RIMS2: variants seen among roughly 807,000 people sequenced by gnomAD.
RIMS2 encodes the protein regulating synaptic membrane exocytosis 2, also known as regulating synaptic membrane exocytosis protein 2.
RIMS2 carries 59 observed loss-of-function variants against 174.4 expected under a neutral mutation model. That is an observed-to-expected ratio of 0.34 (90% CI 0.27 to 0.42). RIMS2 has a LOEUF of 0.42. Among genes scored for constraint, RIMS2 ranks in the 10% least tolerant of loss-of-function variants. RIMS2 has a pLI of 1.00. For missense variants in RIMS2, 1,620 were observed against 1,666.3 expected (o/e 0.97, Z 0.48); for synonymous variants, 606 against 572.5 (o/e 1.06, Z -0.84).
At chr8:103,633,571 T>TC (rs910109107) in intron 1 of RIMS2, among the ~76,000 whole-genome samples, 1 of 152,134 alleles carries the variant, frequency 6.6e-6, no homozygotes, top group African/African-American at 2.4e-5. Flanking sequence ...GGAGGTGTCT[T>TC]CCCCCCTCAG....
chr8:103,626,670 C>T (rs1053005688), intron 1 of RIMS2, among the ~76,000 whole-genome samples: 20 of 152,180 alleles, frequency 1.3e-4, no homozygotes, highest in African/African-American at 3.9e-4. Context: ...TTTCTATTTT[C>T]CCTAAATGTC....
At chr8:103,633,025 G>A (rs1367277317) in intron 1 of RIMS2, among the ~76,000 whole-genome samples, 6 of 143,310 alleles carry the variant, frequency 4.2e-5, no homozygotes, top group Non-Finnish European at 7.6e-5. Context: ...GAGCCTCCGC[G>A]CCAGGCCTTT....
intron 1 of RIMS2, among the ~76,000 whole-genome samples, chr8:103,544,706 C>T (rs774463787): frequency 2.6e-5 from 4 of 152,146 alleles, no homozygotes; most frequent in Non-Finnish European, 5.9e-5. Context: ...CAACTGTGGC[C>T]CCTGCCTGAG....
chr8:103,740,856 CA>C (rs897838168), intron 2 of RIMS2, among the ~76,000 whole-genome samples: 50 of 152,122 alleles, frequency 3.3e-4, no homozygotes, highest in African/African-American at 1.1e-3. Context: ...CTTTTTTTAA[CA>C]ATTGAAAGTT....
chr8:103,712,676 G>T (rs2138032760), intron 2 of RIMS2, among the ~76,000 whole-genome samples: 1 of 152,142 alleles, frequency 6.6e-6, no homozygotes, highest in South Asian at 2.1e-4. Flanking sequence ...AAAAATTCAT[G>T]ACATCACCAA....
intron 3 of RIMS2, chr8:103,819,250 A>C: frequency 7.8e-7 from 1 of 1,289,714 alleles, no homozygotes; most frequent in Non-Finnish European, 9.9e-7. Flanking sequence ...CAAAAAGCTT[A>C]CTGCTGTTTA....
intron 19 of RIMS2, among the ~76,000 whole-genome samples, chr8:104,016,364 G>A (rs1024804069): frequency 3.9e-5 from 6 of 151,952 alleles, no homozygotes; most frequent in African/African-American, 9.7e-5. Flanking sequence ...ATTTGTAAGC[G>A]TGCTGCATTC....
intron 15 of RIMS2, among the ~76,000 whole-genome samples, chr8:103,961,787 AAAC>A (rs1350822992): frequency 6.6e-6 from 1 of 152,178 alleles, no homozygotes; most frequent in African/African-American, 2.4e-5. Context: ...ATTTTACTCT[AAAC>A]AAAATGTATG....
intron 1 of RIMS2, among the ~76,000 whole-genome samples, chr8:103,654,039 A>G (rs1375321979): frequency 6.6e-6 from 1 of 152,102 alleles, no homozygotes; most frequent in African/African-American, 2.4e-5. Flanking sequence ...AGCAAGCATT[A>G]TATTAAAATG....
At chr8:103,836,808 C>G (rs1019309962) in intron 3 of RIMS2, among the ~76,000 whole-genome samples, 4 of 152,162 alleles carry the variant, frequency 2.6e-5, no homozygotes, top group Non-Finnish European at 4.4e-5. Context: ...GCTTTAAAAA[C>G]TATTACCATA....
At chr8:103,506,697 T>C (rs1368006156) in intron 1 of RIMS2, among the ~76,000 whole-genome samples, 4 of 152,192 alleles carry the variant, frequency 2.6e-5, no homozygotes, top group African/African-American at 7.2e-5. Context: ...TTTCTTATTT[T>C]CTAAAAATTG....
intron 2 of RIMS2, among the ~76,000 whole-genome samples, chr8:103,760,818 T>C (rs2098103815): frequency 6.6e-6 from 1 of 152,240 alleles, no homozygotes; most frequent in Non-Finnish European, 1.5e-5. Flanking sequence ...TTGAGCTTTA[T>C]TCACCAGCTG....
At chr8:104,088,089 T>C (rs1020822323) in intron 19 of RIMS2, among the ~76,000 whole-genome samples, 15 of 152,110 alleles carry the variant, frequency 9.9e-5, no homozygotes, top group Admixed American at 9.2e-4. Context: ...CTCTGACAAG[T>C]ACATTTTTTA....
Position 104,164,927 on chromosome 8 carries a change from C to A in RIMS2, c.3335-79989C>A, listed in dbSNP as rs369040417. On this transcript the variant is annotated intron_variant, in intron 19 of 23. Coordinates refer to ENST00000504942, the Ensembl canonical transcript of RIMS2. ...GACACATGTTTACCTATGTAACAAA[C>A]CTGCAAATCCTGTATATGTACCCCT... 5.9e-5 allele frequency among the ~76,000 whole-genome samples: 9 copies of A among 151,958 alleles called. No individual in the cohort carries two copies. In the East Asian group the frequency reaches 1.7e-3, roughly 29 times the overall value.
At chr8:103,980,409 G>A (rs1030909136) in intron 16 of RIMS2, among the ~76,000 whole-genome samples, 4 of 152,146 alleles carry the variant, frequency 2.6e-5, no homozygotes, top group South Asian at 2.1e-4. Flanking sequence ...CCCCCTGGGC[G>A]CTGAATAACC....
chr8:103,935,441 T>C (rs1264220914), intron 12 of RIMS2, among the ~76,000 whole-genome samples: 1 of 152,188 alleles, frequency 6.6e-6, no homozygotes, highest in Admixed American at 6.5e-5. Context: ...TCAAGTAAAA[T>C]CTATATTAAA....
chr8:103,976,829 A>G (rs2093487060), intron 16 of RIMS2: 1 of 152,180 alleles, frequency 6.6e-6, no homozygotes, highest in Non-Finnish European at 1.5e-5. Flanking sequence ...TACAGGCGAG[A>G]ATAATAATTT....
intron 1 of RIMS2, among the ~76,000 whole-genome samples, chr8:103,572,013 C>T (rs997418698): frequency 2.0e-5 from 3 of 152,138 alleles, no homozygotes; most frequent in Admixed American, 6.5e-5. Flanking sequence ...CTTGGTCTCT[C>T]TTGACTTCAA....
At chr8:103,936,367 A>G (rs982922720) in intron 12 of RIMS2, among the ~76,000 whole-genome samples, 184 bp from the exon 15 acceptor site, 1 of 152,204 alleles carries the variant, frequency 6.6e-6, no homozygotes, top group African/African-American at 2.4e-5. Flanking sequence ...ATACCTATAA[A>G]GTGTGATATA....
Sources: allele counts gnomAD v4.1 joint callset (sites outside exome capture counted in the v4.1 genomes callset), GRCh38; gene constraint gnomAD v4.1.1; transcripts MANE v1.5; gene names NCBI Gene and HGNC (gene_info 2026-07-23, HGNC 2026-07-21).